The following RPS6KB1 variants were observed in gnomAD, a reference collection of about 807,000 sequenced individuals.
RPS6KB1 encodes ribosomal protein S6 kinase beta-1.
A neutral mutation model predicts 70.2 loss-of-function variants in RPS6KB1; 12 were observed. The observed-to-expected ratio is 0.17, with a 90% confidence interval of 0.11 to 0.28. RPS6KB1 has a LOEUF of 0.28. Ranked by LOEUF, RPS6KB1 falls within the 10% of genes least tolerant of loss-of-function variation. The pLI is 1.00. For missense variants in RPS6KB1, 270 were observed against 646.6 expected (o/e 0.42, Z 6.32); for synonymous variants, 175 against 211.2 (o/e 0.83, Z 1.49).
chr17:59,908,839 C>T (rs1284202297), intron 1 of RPS6KB1, among the ~76,000 whole-genome samples: 2 of 138,610 alleles, frequency 1.4e-5, no homozygotes, highest in Admixed American at 7.3e-5. Flanking sequence ...AGGATGGTCT[C>T]GATTTCCTGA....
intron 1 of RPS6KB1, among the ~76,000 whole-genome samples, chr17:59,898,270 A>T (rs2041685728): frequency 6.6e-6 from 1 of 152,152 alleles, no homozygotes; most frequent in African/African-American, 2.4e-5. Context: ...ACGCAGGCTT[A>T]CTGTACAAGT....
chr17:59,916,059 GAGCC>G (rs2042945047), intron 4 of RPS6KB1, among the ~76,000 whole-genome samples: 2 of 151,720 alleles, frequency 1.3e-5, no homozygotes, highest in Non-Finnish European at 2.9e-5. Context: ...TTACAGGCAT[GAGCC>G]ACCATGCCCA....
intron 1 of RPS6KB1, among the ~76,000 whole-genome samples, chr17:59,903,587 A>C (rs1203872468): frequency 2.0e-5 from 3 of 152,152 alleles, no homozygotes; most frequent in Admixed American, 2.0e-4. Flanking sequence ...TTGCTGGGTC[A>C]TGCAGTAGTA....
rs2045017187 is a variant in RPS6KB1 at position 59,947,829 on chromosome 17, A to G, written c.*1041A>G. The G allele has an allele frequency of 2.1e-6, 1 of 465,320 alleles. No individual in the cohort carries two copies. The highest frequency in any genetic ancestry group is 3.9e-6 in the Non-Finnish European group (1 of 256,124). The allele number at this position is 465,320 out of a possible 1,614,324, so 28.8% of individuals were successfully genotyped here. A position where few individuals can be genotyped will look rare whatever the true frequency, so the allele number is the denominator to read the frequency against. ...TGAGGGAGATAGGGATATCCAGGGGAAGAGGGTGTTGCTGTGGCCCACTCT... is the reference window on the plus strand; with the variant it reads ...TGAGGGAGATAGGGATATCCAGGGGGAGAGGGTGTTGCTGTGGCCCACTCT... On this transcript the variant is annotated 3_prime_UTR_variant, in exon 15 of 15. Transcript: ENST00000225577.
At chr17:59,908,961 T>C (rs545492790) in intron 1 of RPS6KB1, among the ~76,000 whole-genome samples, 9 of 114,788 alleles carry the variant, frequency 7.8e-5, no homozygotes, top group African/African-American at 2.7e-4. Context: ...GGTTTCGCTC[T>C]TGTTGCCCAG....
At chr17:59,938,699 T>TGTGTGTG in intron 12 of RPS6KB1, among the ~76,000 whole-genome samples, 2 of 138,166 alleles carry the variant, frequency 1.4e-5, no homozygotes, top group Middle Eastern at 3.8e-3. Context: ...AATGTGTAGT[T>TGTGTGTG]TGTGTGTGTG....
intron 14 of RPS6KB1, 54 bp downstream of exon 14, chr17:59,945,572 T>TTTTTTGTTTTTCTAA: frequency 1.1e-6 from 1 of 949,706 alleles, no homozygotes; most frequent in Non-Finnish European, 1.7e-6. Context: ...CCTACAAGAG[T>TTTTTTGTTTTTCTAA]GTTTGCTTAA....
chr17:59,930,624 C>T (rs1333198827), intron 6 of RPS6KB1, among the ~76,000 whole-genome samples: 1 of 152,090 alleles, frequency 6.6e-6, no homozygotes, highest in African/African-American at 2.4e-5. Context: ...GATTTACCCT[C>T]CTATTTCTAA....
At chr17:59,937,496 A>G (rs1480666519) in intron 12 of RPS6KB1, among the ~76,000 whole-genome samples, 3 of 152,176 alleles carry the variant, frequency 2.0e-5, no homozygotes, top group Non-Finnish European at 4.4e-5. Flanking sequence ...TTCTTTGACT[A>G]CTGTGAGAAA....
At chr17:59,906,526 T>A (rs2042271432) in intron 1 of RPS6KB1, among the ~76,000 whole-genome samples, 1 of 151,978 alleles carries the variant, frequency 6.6e-6, no homozygotes, top group African/African-American at 2.4e-5. Context: ...CCACTCCAGT[T>A]AATTTTTGTA....
At chr17:59,943,451 A>G (rs567208726) in intron 13 of RPS6KB1, among the ~76,000 whole-genome samples, 2 of 152,310 alleles carry the variant, frequency 1.3e-5, no homozygotes, top group East Asian at 3.9e-4. Flanking sequence ...AAAGTGAGAT[A>G]TTGAAGCTTT....
Position 59,948,768 on chromosome 17 carries a change from A to C in RPS6KB1, c.*1980A>C, listed in dbSNP as rs1598854046. ...AGCTACAATAATAATTAAGGGCAGA[A>C]ATTATACTTAAAAAGTGCAGATCCT... On this transcript the variant is annotated 3_prime_UTR_variant, in exon 15 of 15. Transcript: ENST00000225577. 6.6e-6 allele frequency: 1 copy of C among 152,528 alleles called. No individual in the cohort carries two copies. Among genetic ancestry groups the C allele is most frequent in the African/African-American group, 2.4e-5 (1 of 41,432 alleles). The allele number at this position is 152,528 out of a possible 1,614,324, so 9.4% of individuals were successfully genotyped here. A position where few individuals can be genotyped will look rare whatever the true frequency, so the allele number is the denominator to read the frequency against.
rs2041233533 is a variant in RPS6KB1 at position 59,893,237 on chromosome 17, A to G, written c.53A>G (p.Asp18Gly). Residue 18 changes from aspartate (D) to glycine (G), a missense_variant, in exon 1 of 15, where the codon GAC (aspartate) becomes GGC (glycine). Asp to Gly is a moderately conservative substitution (Grantham distance 94). Transcript: ENST00000225577. This position sits in a 1 kb window ranked among gnomAD's most constrained non-coding sequence, Gnocchi z 4.1. The stretch of plus-strand genomic sequence containing the variant: ...TTTTACCCAGCCCCGGACTTCCGAG[A>G]CAGGGAAGCTGAGGACATGGCAGGA... ...DGFYPAPDFR[D>G]REAEDMAGVF... 6.2e-7 allele frequency: 1 copy of G among 1,612,774 alleles called. No homozygotes were observed. The highest frequency in any genetic ancestry group is 8.5e-7 in the Non-Finnish European group (1 of 1,179,540).
intron 1 of RPS6KB1, among the ~76,000 whole-genome samples, chr17:59,899,036 T>A (rs2041742606): frequency 1.3e-5 from 2 of 151,778 alleles, no homozygotes; most frequent in Non-Finnish European, 2.9e-5. Flanking sequence ...AAACCCCGTC[T>A]CTATTAAAAA....
At chr17:59,938,910 G>A (rs180519) in intron 12 of RPS6KB1, among the ~76,000 whole-genome samples, 84,980 of 151,994 alleles carry the variant, frequency 0.56, 25,843 homozygotes, top group African/African-American at 0.82. Context: ...ACAGCTAAGC[G>A]TTAATAGGCC....
At chr17:59,901,884 T>C (rs2041972924) in intron 1 of RPS6KB1, among the ~76,000 whole-genome samples, 1 of 151,374 alleles carries the variant, frequency 6.6e-6, no homozygotes, top group Non-Finnish European at 1.5e-5. Flanking sequence ...TCCGTCTTGG[T>C]GGTGTGCGGC....
Position 59,946,589 on chromosome 17 carries a change from G to A in RPS6KB1, c.1379G>A (p.Gly460Asp). ...TCTCCTGGGGATTTCTGGGGAAGAG[G>A]TGCTTCGGCCAGCACAGCAAATCCT... ...KFSPGDFWGRGASASTANPQT... is the reference protein window; with the variant it reads ...KFSPGDFWGRDASASTANPQT... Residue 460 changes from glycine (G) to aspartate (D), a missense_variant, in exon 15 of 15, where the codon GGT becomes GAT. Transcript: ENST00000225577. This position sits in a 1 kb window ranked among gnomAD's most constrained non-coding sequence, Gnocchi z 4.2. 1 of 1,614,118 alleles carries A rather than the reference G, an allele frequency of 6.2e-7. No homozygotes were observed. The highest frequency in any genetic ancestry group is 8.5e-7 in the Non-Finnish European group (1 of 1,180,020).
rs753331686 is a variant in RPS6KB1 at position 59,944,884 on chromosome 17, C to CA, written c.1228-521dup. 5.3e-5 allele frequency among the ~76,000 whole-genome samples: 8 copies of CA among 151,536 alleles called. No homozygotes were observed. In the South Asian group the frequency reaches 1.7e-3, roughly 32 times the overall value. ...TGCGATCTCTGCTCACTGCAACCTC[C>CA]ACCTACCAGGTTCAAGTGATCCTCC... On this transcript the variant is annotated intron_variant, in intron 13 of 14. Coordinates refer to ENST00000225577, the MANE Select transcript of RPS6KB1 (RefSeq NM_003161.4).
intron 4 of RPS6KB1, among the ~76,000 whole-genome samples, chr17:59,922,919 T>C (rs559146813): frequency 2.0e-5 from 3 of 148,866 alleles, no homozygotes; most frequent in African/African-American, 7.5e-5. Context: ...CAGGCTGGAG[T>C]GCAACGATGT....
Sources: gnomAD v4.1 joint callset for allele counts (sites outside exome capture counted in the v4.1 genomes callset) on GRCh38, gnomAD v4.1.1 for gene constraint, Gnocchi (gnomAD v3.1) non-coding constraint, MANE v1.5 for transcripts, NCBI Gene and HGNC (gene_info 2026-07-23, HGNC 2026-07-21) for gene names.